The following ATP1B1 variants were observed in gnomAD, a reference collection of about 807,000 sequenced individuals.
The protein encoded by ATP1B1 is ATPase Na+/K+ transporting subunit beta 1.
Under a neutral mutation model 39.6 loss-of-function variants are expected in ATP1B1, and 3 were observed. The observed-to-expected ratio is 0.08, with a 90% CI of 0.03 to 0.20. The LOEUF is 0.20. ATP1B1 is among the 10% of genes least tolerant of loss of function. ATP1B1 has a pLI of 1.00. For synonymous variants in ATP1B1, 139 were observed against 135.0 expected, an observed-to-expected ratio of 1.03 and a Z score of -0.20; for missense variants, 216 against 371.1, an observed-to-expected ratio of 0.58 and a Z score of 3.43.
Position 169,131,992 on chromosome 1 carries a change from T to C in ATP1B1, c.*437T>C, listed in dbSNP as rs140526593. On this transcript the variant is annotated 3_prime_UTR_variant, in exon 6 of 6. Transcript: ENST00000367815. This position sits in a 1 kb window ranked among gnomAD's most constrained non-coding sequence, Gnocchi z 4.4. ...AGGTTTGCTGTCCAAGGTGTAAATA[T>C]TCAACGGGAATAAAACTGGCATGGT... 9.9e-5 allele frequency: 33 copies of C among 332,140 alleles called. No homozygotes were observed. Among genetic ancestry groups the C allele is most frequent in the Non-Finnish European group, 1.6e-4 (29 of 177,528 alleles). The allele number at this position is 332,140 out of a possible 1,614,324, so 20.6% of individuals were successfully genotyped here. A position where few individuals can be genotyped will look rare whatever the true frequency, so the allele number is the denominator to read the frequency against.
chr1:169,121,437 T>C (rs1204645741), intron 2 of ATP1B1, among the ~76,000 whole-genome samples: 2 of 151,652 alleles, frequency 1.3e-5, no homozygotes, highest in Non-Finnish European at 2.9e-5. Context: ...ACATGTCCCC[T>C]GGTCACTTTT....
chr1:169,107,792 G>A (rs1304586042), intron 1 of ATP1B1: 1 of 151,910 alleles, frequency 6.6e-6, no homozygotes, highest in East Asian at 1.9e-4. Context: ...CATTTTGAAG[G>A]GCAGAGTTGT....
intron 2 of ATP1B1, among the ~76,000 whole-genome samples, chr1:169,119,658 A>G (rs1241812912): frequency 6.6e-6 from 1 of 152,198 alleles, no homozygotes; most frequent in Non-Finnish European, 1.5e-5. Context: ...TGGTTGGAGA[A>G]TTTGGGTGTG....
chr1:169,126,898 C>G (rs1204732047), intron 3 of ATP1B1, among the ~76,000 whole-genome samples: 2 of 152,188 alleles, frequency 1.3e-5, no homozygotes, highest in Admixed American at 1.3e-4. Context: ...TGATCCGTCT[C>G]CTTTCAGTCT....
chr1:169,122,675 T>A (rs1440185862), intron 2 of ATP1B1, among the ~76,000 whole-genome samples: 1 of 149,024 alleles, frequency 6.7e-6, no homozygotes, highest in Admixed American at 6.7e-5. Context: ...TCCCCTTTGA[T>A]TCATTTCTAT....
intron 2 of ATP1B1, among the ~76,000 whole-genome samples, chr1:169,123,401 A>G (rs1300018617): frequency 2.1e-5 from 3 of 140,160 alleles, no homozygotes; most frequent in East Asian, 2.4e-4. Context: ...ACCTGCTGGG[A>G]GGTGGGGGTG....
Position 169,131,812 on chromosome 1 carries a change from T to G in ATP1B1, c.*257T>G. On this transcript the variant is annotated 3_prime_UTR_variant, in exon 6 of 6. Coordinates refer to ENST00000367815, the MANE Select transcript of ATP1B1 (RefSeq NM_001677.4). The surrounding 1 kb of genome is among the most constrained non-coding windows in gnomAD (Gnocchi z 4.4). ...GGGACGTGCCCATTTTTACTGTAAA[T>G]TATGATTCCGTAACTGACTTGTAGT... 2.1e-6 allele frequency: 1 copy of G among 476,804 alleles called. No homozygotes were observed. The highest frequency in any genetic ancestry group is 3.7e-6 in the Non-Finnish European group (1 of 271,982). 29.5% of individuals were successfully genotyped at this position (476,804 alleles called of 1,614,324 possible).
intron 2 of ATP1B1, among the ~76,000 whole-genome samples, chr1:169,112,730 A>G (rs1045148792): frequency 6.6e-6 from 1 of 152,210 alleles, no homozygotes; most frequent in Admixed American, 6.5e-5. Context: ...AAATATTTCC[A>G]GATAAATTTA....
At chr1:169,120,950 CTTT>C (rs5778600) in intron 2 of ATP1B1, among the ~76,000 whole-genome samples, 1 of 134,834 alleles carries the variant, frequency 7.4e-6, no homozygotes, top group Admixed American at 7.6e-5. Flanking sequence ...CTTTTCTTTT[CTTT>C]TTTTTTTTTT....
chr1:169,126,563 A>AG (rs1658090215), intron 3 of ATP1B1, among the ~76,000 whole-genome samples: 1 of 152,166 alleles, frequency 6.6e-6, no homozygotes, highest in Admixed American at 6.5e-5. Context: ...ATTAAAAAAA[A>AG]CTAGCCACAG....
intron 1 of ATP1B1, among the ~76,000 whole-genome samples, chr1:169,107,192 G>A (rs139156514): frequency 6.6e-6 from 1 of 152,178 alleles, no homozygotes; most frequent in African/African-American, 2.4e-5. Flanking sequence ...TTGGTAATTT[G>A]CAGTCTTTCC....
intron 2 of ATP1B1, among the ~76,000 whole-genome samples, chr1:169,123,488 C>T (rs968215441): frequency 8.6e-5 from 13 of 151,846 alleles, no homozygotes; most frequent in African/African-American, 3.1e-4. Context: ...GAGGGGAGAT[C>T]TGGGAGTGAG....
At chr1:169,113,277 G>A (rs905592261) in intron 2 of ATP1B1, among the ~76,000 whole-genome samples, 1 of 151,992 alleles carries the variant, frequency 6.6e-6, no homozygotes, top group African/African-American at 2.4e-5. Context: ...TGTTGGCCAG[G>A]CTGGTCTCGA....
At chr1:169,115,435 G>GC (rs951645997) in intron 2 of ATP1B1, among the ~76,000 whole-genome samples, 2 of 148,882 alleles carry the variant, frequency 1.3e-5, no homozygotes, top group African/African-American at 5.0e-5. Context: ...TGCAACCTCT[G>GC]CCCCCTGGGT....
Position 169,131,647 on chromosome 1 carries a change from G to A in ATP1B1, c.*92G>A, listed in dbSNP as rs944819028. The A allele has an allele frequency of 6.5e-5, 91 of 1,391,706 alleles. No individual in the cohort carries two copies. Among genetic ancestry groups the A allele is most frequent in the Admixed American group, 1.8e-4 (8 of 43,438 alleles). The allele number at this position is 1,391,706 out of a possible 1,614,324, so 86.2% of individuals were successfully genotyped here. A position where few individuals can be genotyped will look rare whatever the true frequency, so the allele number is the denominator to read the frequency against. ...ACTAGTCTTGAACAAACTGTCATAC[G>A]TATGGGACCTACACTTAATCTATAT... On this transcript the variant is annotated 3_prime_UTR_variant, in exon 6 of 6. Coordinates refer to ENST00000367815, the MANE Select transcript of ATP1B1 (RefSeq NM_001677.4). The surrounding 1 kb of genome is among the most constrained non-coding windows in gnomAD (Gnocchi z 4.4).
Position 169,132,530 on chromosome 1 carries a change from C to CTTGT in ATP1B1, c.*979_*982dup, listed in dbSNP as rs1481041162. ...TAATGTATGAAATAAACCAAAGTCACTTGTTTGAAAATAAATCTTTATTTT... is the reference window on the plus strand; with the variant it reads ...TAATGTATGAAATAAACCAAAGTCACTTGTTTGTTTGAAAATAAATCTTTATTTT... On this transcript the variant is annotated 3_prime_UTR_variant, in exon 6 of 6. Coordinates refer to ENST00000367815, the MANE Select transcript of ATP1B1 (RefSeq NM_001677.4). 17 of 432,144 alleles carry CTTGT rather than the reference C, an allele frequency of 3.9e-5. No individual in the cohort carries two copies. Among genetic ancestry groups the CTTGT allele is most frequent in the East Asian group, 3.1e-4 (9 of 28,626 alleles). 26.8% of individuals were successfully genotyped at this position (432,144 alleles called of 1,614,324 possible). A position where few individuals can be genotyped will look rare whatever the true frequency, so the allele number is the denominator to read the frequency against.
intron 2 of ATP1B1, among the ~76,000 whole-genome samples, chr1:169,115,340 T>C (rs1480392959): frequency 1.4e-5 from 2 of 146,412 alleles, no homozygotes; most frequent in African/African-American, 5.2e-5. Context: ...CTTCTGTTTT[T>C]TTCTTTTTTT....
intron 2 of ATP1B1, among the ~76,000 whole-genome samples, chr1:169,113,074 T>C (rs1358913347): frequency 6.6e-6 from 1 of 152,018 alleles, no homozygotes; most frequent in Non-Finnish European, 1.5e-5. Context: ...TATAATTCTT[T>C]TTTTTTTTTG....
In ATP1B1 at chr1:169,132,319, A is replaced by ATCAC. The variant is rs1658254238; in HGVS notation, c.*766_*769dup. The ATCAC allele has an allele frequency of 2.0e-6, 1 of 490,658 alleles. No homozygotes were observed. Among genetic ancestry groups the ATCAC allele is most frequent in the Admixed American group, 3.9e-5 (1 of 25,564 alleles). The allele number at this position is 490,658 out of a possible 1,614,324, so 30.4% of individuals were successfully genotyped here. On this transcript the variant is annotated 3_prime_UTR_variant, in exon 6 of 6. Coordinates refer to ENST00000367815, the MANE Select transcript of ATP1B1 (RefSeq NM_001677.4). ...CTGTGTCTGAGATCTGGATCTGCCC[A>ATCAC]TCACTTTGGCTAGTGACAGGGCTAA...
Sources: gnomAD v4.1 joint callset for allele counts (sites outside exome capture counted in the v4.1 genomes callset) on GRCh38, gnomAD v4.1.1 for gene constraint, Gnocchi (gnomAD v3.1) non-coding constraint, MANE v1.5 for transcripts, NCBI Gene and HGNC (gene_info 2026-07-23, HGNC 2026-07-21) for gene names.